CFHR4: variants seen among roughly 807,000 people sequenced by gnomAD.
The protein encoded by CFHR4 is complement factor H-related protein 4.
Under a neutral mutation model 69.3 loss-of-function variants are expected in CFHR4, and 64 were observed. That is an observed-to-expected ratio of 0.92 (90% CI 0.76 to 1.14). The LOEUF is 1.14. Among genes scored for constraint, CFHR4 ranks in the 50% most tolerant of loss-of-function variants. CFHR4 has a pLI of 0.00. For synonymous variants in CFHR4, 244 were observed against 237.0 expected, an observed-to-expected ratio of 1.03 and a Z score of -0.27; for missense variants, 636 against 684.9, an observed-to-expected ratio of 0.93 and a Z score of 0.80.
chr1:196,913,940 G>T (rs1188029856), intron 7 of CFHR4, among the ~76,000 whole-genome samples: 1 of 151,422 alleles, frequency 6.6e-6, no homozygotes, highest in East Asian at 1.9e-4. Flanking sequence ...TGCTTATCAT[G>T]GGCTCTGTGT....
At position 196,902,471 on chromosome 1, in the gene CFHR4, A is replaced by C; in HGVS notation, c.112A>C (p.Ser38Arg). Reference sequence around the variant, plus strand: ...TCAACATGGAGGTCTATATTATAAGAGTTTGCGTAGACTATACTTTCCAGC... The same window carrying C: ...TCAACATGGAGGTCTATATTATAAGCGTTTGCGTAGACTATACTTTCCAGC... ...EIQHGGLYYKSLRRLYFPAAA... is the reference protein window; with the variant it reads ...EIQHGGLYYKRLRRLYFPAAA... Residue 38 changes from serine to arginine, a missense_variant, in exon 2 of 10, where the codon AGT (serine) becomes CGT (arginine). By Grantham distance (110) the Ser-to-Arg change is moderately radical. Around this residue, in one of 3 missense-constraint regions of CFHR4, gnomAD observed 529 missense variants for 533.2 expected, o/e 0.99. Coordinates refer to ENST00000608469, the MANE Select transcript of CFHR4 (RefSeq NM_001201550.3). 1 of 1,612,002 alleles carries C rather than the reference A, an allele frequency of 6.2e-7. No homozygotes were observed. Among genetic ancestry groups the C allele is most frequent in the South Asian group, 1.1e-5 (1 of 90,990 alleles).
At position 196,910,283 on chromosome 1, in the gene CFHR4, A is replaced by G. The variant is rs1658186170; in HGVS notation, c.802A>G (p.Met268Val). The change falls in exon 6 of 10, where the codon ATG becomes GTG. Residue 268 changes from methionine to valine, a missense_variant and splice_region_variant. By Grantham distance (21) the Met-to-Val change is conservative (BLOSUM62 1). Transcript: ENST00000608469. ...CTATTTTTGTTTTTTGTTACAAGCA[A>G]TGAAACCTTGTGAGTTTCCAGAAAT... ...DWSEPPRCIS[M>V]KPCEFPEIQH... 7 of 1,579,488 alleles carry G rather than the reference A, an allele frequency of 4.4e-6. No individual in the cohort carries two copies. Among genetic ancestry groups the G allele is most frequent in the South Asian group, 1.2e-5 (1 of 85,520 alleles).
chr1:196,898,744 G>A lies in CFHR4; in HGVS notation c.59-3674G>A, dbSNP rs557866580. ...TTTACTGTTTAGTTCTGTGTCAGAT[G>A]CTCTCCTGTGTCGTTGCCAAGGATG... On this transcript the variant is annotated intron_variant, in intron 1 of 9. Coordinates refer to ENST00000608469, the MANE Select transcript of CFHR4 (RefSeq NM_001201550.3). Among the ~76,000 whole-genome samples the A allele has an allele frequency of 2.2e-3, 341 of 151,590 alleles. 18 individuals are homozygous for A. The highest frequency in any genetic ancestry group is 8.0e-3 in the African/African-American group (328 of 41,136).
intron 1 of CFHR4, among the ~76,000 whole-genome samples, chr1:196,901,262 G>A (rs999193557): frequency 6.7e-6 from 1 of 150,346 alleles, no homozygotes; most frequent in African/African-American, 2.5e-5. Flanking sequence ...TTTCAAAAAT[G>A]TGGCAAAAAA....
intron 3 of CFHR4, among the ~76,000 whole-genome samples, chr1:196,906,651 A>C (rs1350293868): frequency 1.3e-5 from 2 of 151,460 alleles, no homozygotes; most frequent in Non-Finnish European, 2.9e-5. Flanking sequence ...GGTTTGAATA[A>C]TGAGAAGGAT....
chr1:196,905,085 T>G, intron 2 of CFHR4, 23 bp from the exon 3 acceptor site: 1 of 1,562,520 alleles, frequency 6.4e-7, no homozygotes. Context: ...TATTTACTTT[T>G]TTCTCTACTT....
At chr1:196,898,645 T>G (rs1208419126) in intron 1 of CFHR4, among the ~76,000 whole-genome samples, 1 of 151,642 alleles carries the variant, frequency 6.6e-6, no homozygotes, top group Non-Finnish European at 1.5e-5. Context: ...CATATTTTGC[T>G]AAAAACATAT....
chr1:196,888,482 C>T (rs1326730825), intron 1 of CFHR4, among the ~76,000 whole-genome samples: 1 of 151,000 alleles, frequency 6.6e-6, no homozygotes, highest in African/African-American at 2.4e-5. Flanking sequence ...TGAATATACT[C>T]ATAAAACTTT....
chr1:196,918,164 G>T, intron 9 of CFHR4, 46 bp from the exon 10 acceptor site: 1 of 1,571,204 alleles, frequency 6.4e-7, no homozygotes. Flanking sequence ...ATTTGCTCAT[G>T]AAAGGCAAGA....
intron 1 of CFHR4, among the ~76,000 whole-genome samples, chr1:196,894,080 C>T (rs1042229924): frequency 2.6e-5 from 4 of 151,474 alleles, no homozygotes; most frequent in Admixed American, 2.6e-4. Context: ...TTAAATTGCA[C>T]CTGCTTAACT....
intron 9 of CFHR4, among the ~76,000 whole-genome samples, chr1:196,915,361 G>A (rs1203856689): frequency 2.6e-5 from 4 of 151,476 alleles, no homozygotes; most frequent in East Asian, 1.9e-4. Flanking sequence ...ATGTCGGCCT[G>A]GGGTGGTGGC....
chr1:196,899,193 G>A (rs374171356), intron 1 of CFHR4, among the ~76,000 whole-genome samples: 5 of 151,246 alleles, frequency 3.3e-5, no homozygotes, highest in East Asian at 3.9e-4. Context: ...CCTTTTTCAA[G>A]ATTTTTTCTG....
At chr1:196,906,005 C>T (rs557352854) in intron 3 of CFHR4, among the ~76,000 whole-genome samples, 1 of 151,546 alleles carries the variant, frequency 6.6e-6, no homozygotes, top group South Asian at 2.1e-4. Flanking sequence ...TGTCTTTCCT[C>T]TTTAGGCATT....
At chr1:196,915,629 C>T (rs1041210352) in intron 9 of CFHR4, among the ~76,000 whole-genome samples, 5 of 148,254 alleles carry the variant, frequency 3.4e-5, no homozygotes, top group African/African-American at 5.0e-5. Context: ...AGGGAGACTC[C>T]GTCTCCAAAA....
At chr1:196,913,505 C>T (rs1658396220) in intron 7 of CFHR4, among the ~76,000 whole-genome samples, 1 of 151,558 alleles carries the variant, frequency 6.6e-6, no homozygotes, top group Admixed American at 6.6e-5. Flanking sequence ...AACCTCCTAC[C>T]TGCCAATGGA....
rs888054381 is a variant in CFHR4 at position 196,911,474 on chromosome 1, C to G, written c.997+996C>G. ...CCAAAGGTCACTGCTACATCTCTCA[C>G]AACTATGTCATATCTATTTTTATAG... On this transcript the variant is annotated intron_variant, in intron 6 of 9. Coordinates refer to ENST00000608469, the MANE Select transcript of CFHR4 (RefSeq NM_001201550.3). 4.6e-5 allele frequency among the ~76,000 whole-genome samples: 7 copies of G among 151,058 alleles called. 1 individual carries two copies. Among genetic ancestry groups the G allele is most frequent in the African/African-American group, 1.7e-4 (7 of 40,610 alleles).
Position 196,902,485 on chromosome 1 carries a change from A to G in CFHR4, c.126A>G (p.Leu42=). The G allele has an allele frequency of 1.9e-6, 3 of 1,612,098 alleles. No homozygotes were observed. Among genetic ancestry groups the G allele is most frequent in the Non-Finnish European group, 2.5e-6 (3 of 1,178,942 alleles). The change falls in exon 2 of 10, where the codon CTA becomes CTG. Residue 42 remains leucine (L), a synonymous_variant. Transcript: ENST00000608469. ...GGLYYKSLRR[L]YFPAAAGQSY... Reference sequence around the variant, plus strand: ...TATATTATAAGAGTTTGCGTAGACTATACTTTCCAGCAGCTGCAGGACAAT... The same window carrying G: ...TATATTATAAGAGTTTGCGTAGACTGTACTTTCCAGCAGCTGCAGGACAAT...
intron 5 of CFHR4, among the ~76,000 whole-genome samples, chr1:196,909,630 G>A (rs1658125813): frequency 6.6e-6 from 1 of 151,128 alleles, no homozygotes; most frequent in Non-Finnish European, 1.5e-5. Context: ...ATGTTAATAA[G>A]GGCTAGACTT....
chr1:196,903,386 C>G (rs764004730), intron 2 of CFHR4, among the ~76,000 whole-genome samples: 4 of 151,192 alleles, frequency 2.6e-5, no homozygotes, highest in African/African-American at 7.3e-5. Context: ...GGCGCAGTGG[C>G]TCAGTCCTGT....
Sources: allele counts gnomAD v4.1 joint callset (sites outside exome capture counted in the v4.1 genomes callset), GRCh38; gene constraint gnomAD v4.1.1; regional missense constraint gnomAD v4.1.1; transcripts MANE v1.5; gene names NCBI Gene and HGNC (gene_info 2026-07-23, HGNC 2026-07-21).